Variants in PARD3B observed in about 807,000 individuals in gnomAD.
PARD3B encodes the protein par-3 family cell polarity regulator beta.
In PARD3B, 103 loss-of-function variants were observed where a neutral mutation model predicts 130.2. That is an observed-to-expected ratio of 0.79 (90% confidence interval 0.67 to 0.93). The LOEUF is 0.93. PARD3B is among the 40% of genes least tolerant of loss of function. The pLI is 0.00. For missense variants in PARD3B, 1,609 were observed against 1,499.2 expected (o/e 1.07, Z -1.21); for synonymous variants, 583 against 553.2 (o/e 1.05, Z -0.76).
At chr2:205,367,763 G>T (rs2105898832) in intron 18 of PARD3B, among the ~76,000 whole-genome samples, 1 of 152,292 alleles carries the variant, frequency 6.6e-6, no homozygotes, top group South Asian at 2.1e-4. Context: ...GAAACCCAGA[G>T]TTTCTCCCAG....
chr2:205,019,313 T>TA (rs1356627478), intron 3 of PARD3B, among the ~76,000 whole-genome samples: 2 of 152,204 alleles, frequency 1.3e-5, no homozygotes, highest in East Asian at 3.9e-4. Context: ...CAAGTATCAG[T>TA]ACTTTATTTT....
intron 1 of PARD3B, among the ~76,000 whole-genome samples, chr2:204,661,319 C>G (rs2125183888): frequency 6.6e-6 from 1 of 152,178 alleles, no homozygotes; most frequent in African/African-American, 2.4e-5. Context: ...TTTTCCCTTC[C>G]CCTTTGCTTG....
intron 22 of PARD3B, among the ~76,000 whole-genome samples, chr2:205,567,691 A>G (rs1337123084): frequency 1.3e-5 from 2 of 151,842 alleles, no homozygotes; most frequent in East Asian, 1.9e-4. Flanking sequence ...TCCAGTATCA[A>G]TTCAAAAGTT....
intron 4 of PARD3B, among the ~76,000 whole-genome samples, chr2:205,053,056 G>T (rs1181378664): frequency 6.6e-6 from 1 of 152,072 alleles, no homozygotes; most frequent in Admixed American, 6.6e-5. Context: ...GGCTGCTAGT[G>T]AGAGTGCATT....
At chr2:204,618,937 A>T (rs1382562084) in intron 1 of PARD3B, among the ~76,000 whole-genome samples, 1 of 152,152 alleles carries the variant, frequency 6.6e-6, no homozygotes, top group Non-Finnish European at 1.5e-5. Flanking sequence ...TACATAATAA[A>T]TATTTTCCTG....
chr2:205,514,869 A>G (rs1348322665), intron 21 of PARD3B, among the ~76,000 whole-genome samples: 1 of 144,214 alleles, frequency 6.9e-6, no homozygotes. Context: ...TTGAGGGTAC[A>G]TGCGAAGGTT....
chr2:204,720,374 A>C (rs1252169995), intron 2 of PARD3B, among the ~76,000 whole-genome samples: 1 of 152,182 alleles, frequency 6.6e-6, no homozygotes, highest in Non-Finnish European at 1.5e-5. Flanking sequence ...TTTAAACAGT[A>C]ACATGGTTTG....
intron 1 of PARD3B, among the ~76,000 whole-genome samples, chr2:204,644,376 TG>T (rs2035199762): frequency 2.0e-5 from 3 of 152,220 alleles, no homozygotes; most frequent in Admixed American, 2.0e-4. Flanking sequence ...TCTTTGTGTG[TG>T]GGTGTGTTTG....
chr2:204,846,297 G>A (rs1282903054), intron 2 of PARD3B, among the ~76,000 whole-genome samples: 3 of 152,018 alleles, frequency 2.0e-5, no homozygotes, highest in Non-Finnish European at 4.4e-5. Context: ...CCAATGGTGG[G>A]GATGGAAATT....
At chr2:204,990,911 C>A (rs946842040) in intron 3 of PARD3B, among the ~76,000 whole-genome samples, 1 of 152,144 alleles carries the variant, frequency 6.6e-6, no homozygotes, top group Non-Finnish European at 1.5e-5. Flanking sequence ...GATAGGGGTA[C>A]AGCTTTTCCA....
chr2:205,226,537 A>G (rs948835582), intron 15 of PARD3B, among the ~76,000 whole-genome samples: 1 of 152,026 alleles, frequency 6.6e-6, no homozygotes, highest in Non-Finnish European at 1.5e-5. Context: ...TTTTTTTTAT[A>G]TGGTGAGAGA....
chr2:204,869,241 T>G (rs1012347314), intron 2 of PARD3B, among the ~76,000 whole-genome samples: 2 of 152,160 alleles, frequency 1.3e-5, no homozygotes, highest in Non-Finnish European at 2.9e-5. Flanking sequence ...CTCAAACTTA[T>G]GTGTGGAATC....
chr2:205,281,759 T>C lies in PARD3B; in HGVS notation c.2186-18771T>C, dbSNP rs1276961609. 6.6e-6 allele frequency among the ~76,000 whole-genome samples: 1 copy of C among 152,140 alleles called. No homozygotes were observed. Among genetic ancestry groups the C allele is most frequent in the Admixed American group, 6.6e-5 (1 of 15,264 alleles). On this transcript the variant is annotated intron_variant, in intron 16 of 22. Transcript: ENST00000406610. The surrounding 1 kb of genome is among the most constrained non-coding windows in gnomAD (Gnocchi z 4.2). ...TCTTCAAATAGCCCAGTGATGAAAC[T>C]CCTGGGCAGGTTGTCTACATTAAAA...
intron 2 of PARD3B, among the ~76,000 whole-genome samples, chr2:204,960,926 T>C (rs1690694035): frequency 6.6e-6 from 1 of 152,174 alleles, no homozygotes; most frequent in East Asian, 1.9e-4. Context: ...TGATTAAAGA[T>C]CTGAAAGATC....
intron 2 of PARD3B, among the ~76,000 whole-genome samples, chr2:204,776,350 A>G (rs1255800274): frequency 6.6e-6 from 1 of 152,100 alleles, no homozygotes; most frequent in Non-Finnish European, 1.5e-5. Context: ...TATGGAGGTG[A>G]TTTATTGAAA....
At position 204,887,118 on chromosome 2, in the gene PARD3B, C is replaced by T. The variant is rs77344017; in HGVS notation, c.223-78034C>T. ...TAGGTAAACTGAATCTCTTTGGTTC[C>T]TTTGTTTTTTATTTAGGGAAGTTAT... is the stretch of plus-strand genomic sequence containing the variant. On this transcript the variant is annotated intron_variant, in intron 2 of 22. Coordinates refer to ENST00000406610, the MANE Select transcript of PARD3B (RefSeq NM_001302769.2). The surrounding 1 kb of genome is among the most constrained non-coding windows in gnomAD (Gnocchi z 4.2). Among the ~76,000 whole-genome samples the T allele has an allele frequency of 0.019, 2,814 of 152,054 alleles. 57 individuals carry two copies. Among genetic ancestry groups the T allele is most frequent in the East Asian group, 0.11 (579 of 5,172 alleles).
intron 22 of PARD3B, among the ~76,000 whole-genome samples, chr2:205,576,049 T>A (rs2053746987): frequency 6.6e-6 from 1 of 152,208 alleles, no homozygotes. Context: ...GTTGTCAGTA[T>A]TTCTAATTGT....
rs1184582650 is a variant in PARD3B, at chr2:205,015,539, C to T, written c.395-32042C>T. On this transcript the variant is annotated intron_variant, in intron 3 of 22. Coordinates refer to ENST00000406610, the MANE Select transcript of PARD3B (RefSeq NM_001302769.2). This position sits in a 1 kb window ranked among gnomAD's most constrained non-coding sequence, Gnocchi z 4.5. ...AGGTATAACCCAGTCTTGAGCTTCA[C>T]AACAAACAGGTATTGGATGATAGTT... is the stretch of plus-strand genomic sequence containing the variant. 6.6e-6 allele frequency among the ~76,000 whole-genome samples: 1 copy of T among 152,148 alleles called. No homozygotes were observed. Among genetic ancestry groups the T allele is most frequent in the Non-Finnish European group, 1.5e-5 (1 of 68,026 alleles).
At chr2:204,897,385 GTTTTTTT>G (rs56693580) in intron 2 of PARD3B, among the ~76,000 whole-genome samples, 1 of 127,676 alleles carries the variant, frequency 7.8e-6, no homozygotes, top group African/African-American at 3.0e-5. Flanking sequence ...TGTAGGTACT[GTTTTTTT>G]TTTTTTTTTT....
Sources: gnomAD v4.1 joint callset for allele counts (sites outside exome capture counted in the v4.1 genomes callset) on GRCh38, gnomAD v4.1.1 for gene constraint, Gnocchi (gnomAD v3.1) non-coding constraint, MANE v1.5 for transcripts, NCBI Gene and HGNC (gene_info 2026-07-23, HGNC 2026-07-21) for gene names.